UGT2B7: variants seen among roughly 807,000 people sequenced by gnomAD.
UGT2B7 encodes UDP-glucuronosyltransferase 2B7.
UGT2B7 carries 51 observed loss-of-function variants against 51.9 expected under a neutral mutation model. The ratio of observed to expected loss-of-function variants is 0.98; its 90% CI spans 0.78 to 1.24. The LOEUF (loss-of-function observed/expected upper bound fraction) is 1.24. Among genes scored for constraint, UGT2B7 ranks in the 50% most tolerant of loss-of-function variants. The pLI is 0.00. For missense variants in UGT2B7, 727 were observed against 628.4 expected (o/e 1.16, Z -1.68); for synonymous variants, 225 against 211.6 (o/e 1.06, Z -0.55).
chr4:69,077,000 G>A (rs889467154), intron 1 of UGT2B7, among the ~76,000 whole-genome samples: 5 of 152,150 alleles, frequency 3.3e-5, no homozygotes, highest in Non-Finnish European at 5.9e-5. Flanking sequence ...TCTGCATATG[G>A]CTAGCCAGTT....
chr4:69,112,771 G>T lies in UGT2B7; in HGVS notation c.*35G>T. 6.2e-7 allele frequency: 1 copy of T among 1,609,486 alleles called. No individual in the cohort carries two copies. Among genetic ancestry groups the T allele is most frequent in the Non-Finnish European group, 8.5e-7 (1 of 1,178,318 alleles). ...AGATTTGAAGCTGGAAAACCTGATA[G>T]GTGAGACTACTTCAGTTTATTCCAG... On this transcript the variant is annotated 3_prime_UTR_variant, in exon 6 of 6. Coordinates refer to ENST00000305231, the MANE Select transcript of UGT2B7 (RefSeq NM_001074.4).
chr4:69,058,495 CA>C (rs952658532), intron 1 of UGT2B7, among the ~76,000 whole-genome samples: 1 of 152,176 alleles, frequency 6.6e-6, no homozygotes, highest in African/African-American at 2.4e-5. Context: ...GCCCAGATAC[CA>C]AAAGGCACTC....
intron 1 of UGT2B7, among the ~76,000 whole-genome samples, chr4:69,063,247 A>T (rs1420208546): frequency 1.4e-5 from 2 of 138,464 alleles, no homozygotes; most frequent in Non-Finnish European, 3.0e-5. Flanking sequence ...TGAACCCGGA[A>T]GGCGGAGCTT....
intron 5 of UGT2B7, 100 bp from the exon 6 acceptor site, chr4:69,112,357 C>T (rs1488619303): frequency 2.0e-6 from 3 of 1,464,546 alleles, no homozygotes; most frequent in East Asian, 2.4e-5. Context: ...CTTGCCGATG[C>T]TCCCAGCCGA....
chr4:69,090,653 C>T (rs955892307), intron 2 of UGT2B7, among the ~76,000 whole-genome samples: 1 of 152,072 alleles, frequency 6.6e-6, no homozygotes, highest in Admixed American at 6.6e-5. Context: ...CCTCCTACAA[C>T]ATGTGGGAAT....
Position 69,096,650 on chromosome 4 carries a change from G to T in UGT2B7, c.130G>T (p.Asp44Tyr). Reference protein sequence around the residue: ...SHWMNIKTILDELIQRGHEVT... With the variant: ...SHWMNIKTILYELIQRGHEVT... Reference sequence around the variant, plus strand: ...TTGGATGAATATAAAGACAATCCTGGATGAGCTTATTCAGAGAGGTCATGA... The same window carrying T: ...TTGGATGAATATAAAGACAATCCTGTATGAGCTTATTCAGAGAGGTCATGA... The change falls in exon 1 of 6, where the codon GAT becomes TAT. Residue 44 changes from aspartate to tyrosine, a missense_variant. Asp to Tyr is a radical substitution (Grantham distance 160, BLOSUM62 -3). Transcript: ENST00000305231. The T allele has an allele frequency of 1.2e-6, 2 of 1,613,992 alleles. No homozygotes were observed. The highest frequency in any genetic ancestry group is 1.6e-4 in the Middle Eastern group (1 of 6,062).
upstream of UGT2B7, among the ~76,000 whole-genome samples, chr4:69,095,879 T>A (rs1440819469): frequency 6.6e-6 from 1 of 152,094 alleles, no homozygotes; most frequent in African/African-American, 2.4e-5. Flanking sequence ...GCATTAAAAA[T>A]TGTCCAGAAT....
At chr4:69,064,112 A>G (rs761231728) in intron 1 of UGT2B7, among the ~76,000 whole-genome samples, 1,751 of 85,262 alleles carry the variant, frequency 0.021, 31 homozygotes, top group African/African-American at 0.034. Context: ...GAAAGAAAGA[A>G]AAAGAAAGAA....
chr4:69,079,964 T>C (rs1418520151), intron 1 of UGT2B7, among the ~76,000 whole-genome samples: 1 of 152,128 alleles, frequency 6.6e-6, no homozygotes, highest in Non-Finnish European at 1.5e-5. Flanking sequence ...TTTAAATACT[T>C]CACTTTCTTC....
intron 1 of UGT2B7, among the ~76,000 whole-genome samples, chr4:69,086,534 ATTTT>A (rs1285861675): frequency 1.3e-5 from 2 of 151,792 alleles, no homozygotes; most frequent in East Asian, 3.9e-4. Context: ...TTTTTCATTG[ATTTT>A]CTGTCTGAAT....
chr4:69,069,498 C>A (rs960189608), intron 1 of UGT2B7: 2 of 152,078 alleles, frequency 1.3e-5, no homozygotes, highest in Non-Finnish European at 2.9e-5. Flanking sequence ...AAAACAAAAT[C>A]TCTATAACCA....
At chr4:69,105,407 T>C (rs1206049994) in intron 3 of UGT2B7, among the ~76,000 whole-genome samples, 2 of 152,356 alleles carry the variant, frequency 1.3e-5, no homozygotes, top group East Asian at 3.9e-4. Context: ...TTAACACTGA[T>C]GTAGCAAATA....
At chr4:69,074,067 A>G (rs1427999229) in intron 1 of UGT2B7, among the ~76,000 whole-genome samples, 1 of 152,100 alleles carries the variant, frequency 6.6e-6, no homozygotes, top group Non-Finnish European at 1.5e-5. Context: ...CATTTTGTCT[A>G]GGCATGGTGG....
chr4:69,055,025 T>A (rs969623854), intron 1 of UGT2B7, among the ~76,000 whole-genome samples: 6 of 147,064 alleles, frequency 4.1e-5, no homozygotes, highest in Non-Finnish European at 7.4e-5. Context: ...GCCTGATGCG[T>A]GTTATGACTC....
At chr4:69,100,447 C>A (rs1719385537) in intron 2 of UGT2B7, among the ~76,000 whole-genome samples, 1 of 152,016 alleles carries the variant, frequency 6.6e-6, no homozygotes, top group East Asian at 1.9e-4. Flanking sequence ...CTTAAAAGAT[C>A]ATTTTTGTCT....
chr4:69,112,512 C>G lies in UGT2B7; in HGVS notation c.1366C>G (p.Pro456Ala). 1 of 1,613,910 alleles carries G rather than the reference C, an allele frequency of 6.2e-7. No homozygotes were observed. Among genetic ancestry groups the G allele is most frequent in the Non-Finnish European group, 8.5e-7 (1 of 1,179,848 alleles). ...AATTCAACATGATCAACCAGTGAAG[C>G]CCCTGGATCGAGCAGTCTTCTGGAT... is the stretch of plus-strand genomic sequence containing the variant. ...SRIQHDQPVK[P>A]LDRAVFWIEF... Residue 456 changes from proline to alanine, a missense_variant, in exon 6 of 6, where the codon CCC (proline) becomes GCC (alanine). Transcript: ENST00000305231.
At chr4:69,097,635 C>T (rs563115801) in intron 1 of UGT2B7, among the ~76,000 whole-genome samples, 3 of 152,108 alleles carry the variant, frequency 2.0e-5, no homozygotes, top group Admixed American at 2.0e-4. Context: ...TATATAACTG[C>T]AGAAATTGTT....
At chr4:69,105,735 G>C (rs1477186984) in intron 3 of UGT2B7, among the ~76,000 whole-genome samples, 2 of 152,084 alleles carry the variant, frequency 1.3e-5, no homozygotes. Context: ...ATTTATTTTG[G>C]AAGTAGTGCT....
At chr4:69,060,784 G>A (rs1265121519) in intron 1 of UGT2B7, among the ~76,000 whole-genome samples, 2 of 152,182 alleles carry the variant, frequency 1.3e-5, no homozygotes, top group East Asian at 3.8e-4. Context: ...AACTTTGATG[G>A]ACCAAAGGGG....
Sources: gnomAD v4.1 joint callset for allele counts (sites outside exome capture counted in the v4.1 genomes callset) on GRCh38, gnomAD v4.1.1 for gene constraint, MANE v1.5 for transcripts, NCBI Gene and HGNC (gene_info 2026-07-23, HGNC 2026-07-21) for gene names.